PARD3B: variants seen among roughly 807,000 people sequenced by gnomAD.
PARD3B encodes par-3 family cell polarity regulator beta, also known as partitioning defective 3 homolog B.
A neutral mutation model predicts 130.2 loss-of-function variants in PARD3B; 103 were observed. That is an observed-to-expected ratio of 0.79 (90% CI 0.67 to 0.93). PARD3B has a LOEUF of 0.93. Ranked by LOEUF, PARD3B falls within the 40% of genes least tolerant of loss-of-function variation. The pLI, the probability that PARD3B is intolerant of heterozygous loss-of-function variation, is 0.00. For missense variants in PARD3B, 1,609 were observed against 1,499.2 expected, an observed-to-expected ratio of 1.07 and a Z score of -1.21; for synonymous variants, 583 against 553.2, an observed-to-expected ratio of 1.05 and a Z score of -0.76.
intron 2 of PARD3B, among the ~76,000 whole-genome samples, chr2:204,781,765 G>A (rs912062638): frequency 1.3e-5 from 2 of 152,028 alleles, no homozygotes; most frequent in African/African-American, 4.8e-5. Flanking sequence ...ATGCATAATG[G>A]ACATACCTAG....
chr2:205,184,245 C>A (rs78802661), intron 13 of PARD3B, among the ~76,000 whole-genome samples: 1 of 152,070 alleles, frequency 6.6e-6, no homozygotes. Flanking sequence ...ATATCCAGCA[C>A]GTGGACAAGC....
chr2:205,054,009 G>A lies in PARD3B; in HGVS notation c.504+6319G>A, dbSNP rs183575136. ...CCAGAGCTTGAAGACACATTGCAAC[G>A]ATGGCTTTCATATGGCTTTGTTTTT... On this transcript the variant is annotated intron_variant, in intron 4 of 22. Transcript: ENST00000406610. Among the ~76,000 whole-genome samples, 810 of 152,144 alleles carry A rather than the reference G, an allele frequency of 5.3e-3. 3 individuals carry two copies. Among genetic ancestry groups the A allele is most frequent in the Non-Finnish European group, 8.6e-3 (585 of 67,978 alleles).
rs561057658 is a variant in PARD3B at position 205,345,951 on chromosome 2, A to C, written c.2630+44250A>C. 2.6e-4 allele frequency among the ~76,000 whole-genome samples: 15 copies of C among 58,244 alleles called. 2 individuals carry two copies. Among genetic ancestry groups the C allele is most frequent in the Admixed American group, 6.1e-4 (2 of 3,286 alleles). 38.2% of individuals were successfully genotyped at this position (58,244 alleles called of 152,430 possible). On this transcript the variant is annotated intron_variant, in intron 18 of 22. Coordinates refer to ENST00000406610, the MANE Select transcript of PARD3B (RefSeq NM_001302769.2). ...TTTGGGAGGCCAAGGCAGGTGGATC[A>C]CCTGAGGTCAGGAGTTCAAGACCAG...
intron 2 of PARD3B, among the ~76,000 whole-genome samples, chr2:204,933,845 A>T (rs1303137230): frequency 6.6e-6 from 1 of 152,198 alleles, no homozygotes; most frequent in Admixed American, 6.5e-5. Flanking sequence ...CATAGATTGT[A>T]ATTTGCAGTA....
intron 22 of PARD3B, among the ~76,000 whole-genome samples, chr2:205,599,091 A>G (rs1308217964): frequency 6.6e-6 from 1 of 152,182 alleles, no homozygotes; most frequent in Non-Finnish European, 1.5e-5. Flanking sequence ...CCCCAAAGCT[A>G]GCAGAAGAAA....
intron 2 of PARD3B, among the ~76,000 whole-genome samples, chr2:204,960,593 G>A (rs1575423438): frequency 6.7e-6 from 1 of 149,520 alleles, no homozygotes; most frequent in African/African-American, 2.5e-5. Context: ...CTAAAAACAT[G>A]TGAAAAATCT....
chr2:205,215,012 G>A (rs998772722), intron 15 of PARD3B, among the ~76,000 whole-genome samples: 6 of 152,016 alleles, frequency 3.9e-5, no homozygotes, highest in African/African-American at 9.7e-5. Context: ...GATATGCTTC[G>A]TCATTAATGG....
intron 10 of PARD3B, among the ~76,000 whole-genome samples, chr2:205,151,480 C>G (rs1266420516): frequency 1.3e-5 from 2 of 152,108 alleles, no homozygotes; most frequent in African/African-American, 4.8e-5. Flanking sequence ...GGATAGTTAC[C>G]TCTTCTTGTG....
intron 16 of PARD3B, among the ~76,000 whole-genome samples, chr2:205,279,703 G>T (rs1281917576): frequency 1.3e-5 from 2 of 152,122 alleles, no homozygotes; most frequent in African/African-American, 4.8e-5. Context: ...AAGCGGGAAA[G>T]GTTGCTTTTG....
chr2:205,197,752 C>T (rs1353471698), intron 15 of PARD3B, among the ~76,000 whole-genome samples: 1 of 152,142 alleles, frequency 6.6e-6, no homozygotes, highest in Non-Finnish European at 1.5e-5. Context: ...TGGAGAAAAT[C>T]AATCTTTTCC....
intron 2 of PARD3B, among the ~76,000 whole-genome samples, chr2:204,712,571 G>A (rs1425923242): frequency 2.2e-5 from 3 of 137,344 alleles, no homozygotes; most frequent in Non-Finnish European, 4.6e-5. Flanking sequence ...CGGAGATCAC[G>A]CCACTGCACT....
In PARD3B at chr2:205,059,454, T is replaced by C. The variant is rs1699933424; in HGVS notation, c.504+11764T>C. On this transcript the variant is annotated intron_variant, in intron 4 of 22. Transcript: ENST00000406610. ...GACAAATATCATTTGTCTCCCTTTC[T>C]GCTAATGAATGTACAGGTACCCTTC... 2.0e-5 allele frequency among the ~76,000 whole-genome samples: 3 copies of C among 152,062 alleles called. No homozygotes were observed. The East Asian group carries it at 5.8e-4, about 29-fold the overall frequency.
intron 2 of PARD3B, among the ~76,000 whole-genome samples, chr2:204,757,043 T>C (rs945501976): frequency 1.3e-5 from 2 of 152,200 alleles, no homozygotes; most frequent in African/African-American, 4.8e-5. Flanking sequence ...ATTAATTTGC[T>C]TAGGTTAATG....
At chr2:205,512,292 T>A (rs536090609) in intron 21 of PARD3B, among the ~76,000 whole-genome samples, 4 of 152,150 alleles carry the variant, frequency 2.6e-5, no homozygotes, top group Non-Finnish European at 5.9e-5. Flanking sequence ...ACCACTGAAT[T>A]TTAGCGAGGC....
At chr2:205,254,242 C>T (rs2039977188) in intron 16 of PARD3B, among the ~76,000 whole-genome samples, 1 of 151,714 alleles carries the variant, frequency 6.6e-6, no homozygotes, top group South Asian at 2.1e-4. Flanking sequence ...GCCATTCTAG[C>T]AATGTTTTAA....
intron 18 of PARD3B, among the ~76,000 whole-genome samples, chr2:205,358,908 C>G (rs904902999): frequency 6.6e-6 from 1 of 152,112 alleles, no homozygotes; most frequent in Non-Finnish European, 1.5e-5. Flanking sequence ...GTCATGGGGC[C>G]GTATCATTCT....
intron 2 of PARD3B, among the ~76,000 whole-genome samples, chr2:204,795,157 GAAA>G (rs1323803274): frequency 2.0e-5 from 3 of 152,176 alleles, no homozygotes; most frequent in Non-Finnish European, 4.4e-5. Context: ...CTTAGGTTAG[GAAA>G]ATAGGTTCTC....
At chr2:204,582,511 C>G (rs950093341) in intron 1 of PARD3B, among the ~76,000 whole-genome samples, 6 of 151,958 alleles carry the variant, frequency 3.9e-5, no homozygotes, top group African/African-American at 1.2e-4. Context: ...GTTCCCCCCC[C>G]TCATTTCACA....
chr2:204,971,056 C>A (rs1463749558), intron 3 of PARD3B, among the ~76,000 whole-genome samples: 3 of 152,118 alleles, frequency 2.0e-5, no homozygotes, highest in African/African-American at 7.2e-5. Flanking sequence ...TGGTGTTCAG[C>A]AAATACTGTG....
Sources: allele counts gnomAD v4.1 joint callset (sites outside exome capture counted in the v4.1 genomes callset), GRCh38; gene constraint gnomAD v4.1.1; transcripts MANE v1.5; gene names NCBI Gene and HGNC (gene_info 2026-07-23, HGNC 2026-07-21).